Variants in MED13L observed in about 807,000 individuals in gnomAD.
MED13L encodes mediator of RNA polymerase II transcription subunit 13-like.
In MED13L, 7 loss-of-function variants were observed where a neutral mutation model predicts 220.9. The ratio of observed to expected loss-of-function variants is 0.03; its 90% confidence interval spans 0.02 to 0.06. The LOEUF (loss-of-function observed/expected upper bound fraction) is 0.06. Among genes scored for constraint, MED13L ranks in the 10% least tolerant of loss-of-function variants. MED13L has a pLI of 1.00. For synonymous variants in MED13L, 1,011 were observed against 1,015.2 expected (o/e 1.00, Z 0.08); for missense variants, 1,965 against 2,760.5 (o/e 0.71, Z 6.46).
Position 116,109,216 on chromosome 12 carries a change from G to A in MED13L, c.395+2212C>T, listed in dbSNP as rs1383748896. 3.3e-5 allele frequency among the ~76,000 whole-genome samples: 5 copies of A among 151,622 alleles called. No homozygotes were observed. The East Asian group carries it at 9.7e-4, about 29-fold the overall frequency. On this transcript the variant is annotated intron_variant, in intron 3 of 30. Transcript: ENST00000281928. ...CTCCCAAGCAGCTGTGACCACAGGA[G>A]CACACCATCATGCTCAGCTAACTTT...
chr12:116,165,571 C>T lies in MED13L; in HGVS notation c.311-54059G>A, dbSNP rs527359427. On this transcript the variant is annotated intron_variant, in intron 2 of 30. Coordinates refer to ENST00000281928, the MANE Select transcript of MED13L (RefSeq NM_015335.5). ...GTCTCTATCTCCTTACCTCGTGATC[C>T]CCCCCGCCTCAGCCTCCCAAAGTGC... Among the ~76,000 whole-genome samples the T allele has an allele frequency of 5.9e-5, 9 of 151,826 alleles. No individual in the cohort carries two copies. The South Asian group carries it at 1.7e-3, about 28-fold the overall frequency.
Position 115,970,755 on chromosome 12 carries a change from C to G in MED13L, c.5906G>C (p.Gly1969Ala). 2.5e-6 allele frequency: 4 copies of G among 1,613,886 alleles called. No individual in the cohort carries two copies. The highest frequency in any genetic ancestry group is 3.4e-6 in the Non-Finnish European group (4 of 1,179,894). ...TGCAGTACTTCGGCCAAAAACAGAG[C>G]CCATTGTGACAGCATCTTTAAAGAA... Reference protein sequence around the residue: ...FVVMPDAVTMGSVFGRSTALN... With the variant: ...FVVMPDAVTMASVFGRSTALN... The change falls in exon 27 of 31, where the codon GGC (glycine) becomes GCC (alanine). Residue 1969 changes from glycine to alanine, a missense_variant. Physicochemically the swap from Gly to Ala is moderately conservative, Grantham distance 60. Around this residue, in one of 10 missense-constraint regions of MED13L, gnomAD observed 145 missense variants for 328.3 expected, o/e 0.44. Coordinates refer to ENST00000281928, the MANE Select transcript of MED13L (RefSeq NM_015335.5).
At chr12:116,091,728 T>C (rs1188700375) in intron 4 of MED13L, among the ~76,000 whole-genome samples, 3 of 152,248 alleles carry the variant, frequency 2.0e-5, no homozygotes, top group African/African-American at 4.8e-5. Flanking sequence ...GCCAATGTTA[T>C]AGTCACCATG....
intron 22 of MED13L, 138 bp from the exon 23 acceptor site, chr12:115,981,076 A>G (rs926413075): frequency 7.2e-6 from 5 of 692,534 alleles, no homozygotes; most frequent in Middle Eastern, 3.9e-4. Flanking sequence ...GCCTTAAAAT[A>G]TATCTGTGCC....
intron 2 of MED13L, chr12:116,230,286 G>C (rs1195982249): frequency 1.3e-5 from 2 of 157,658 alleles, no homozygotes; most frequent in Non-Finnish European, 2.7e-5. Context: ...TATAGTCCTA[G>C]CTACTCGGGA....
intron 4 of MED13L, among the ~76,000 whole-genome samples, chr12:116,072,817 T>A (rs1270295614): frequency 1.3e-5 from 2 of 152,232 alleles, no homozygotes; most frequent in Non-Finnish European, 2.9e-5. Flanking sequence ...TGTAGTGCTT[T>A]ATGCAAATCA....
chr12:116,232,929 A>G (rs1869709452), intron 2 of MED13L, among the ~76,000 whole-genome samples: 1 of 152,024 alleles, frequency 6.6e-6, no homozygotes, highest in Non-Finnish European at 1.5e-5. Flanking sequence ...TCTACTAAAA[A>G]TACAAAAATT....
At chr12:116,082,046 C>T (rs538287509) in intron 4 of MED13L, among the ~76,000 whole-genome samples, 1 of 152,184 alleles carries the variant, frequency 6.6e-6, no homozygotes, top group South Asian at 2.1e-4. Context: ...CATTTTAGTA[C>T]TTCATTAAAT....
At chr12:116,181,322 T>G (rs1435824097) in intron 2 of MED13L, 1 of 152,100 alleles carries the variant, frequency 6.6e-6, no homozygotes, top group African/African-American at 2.4e-5. Flanking sequence ...AATCCAAGTT[T>G]TACAAAAGAA....
At chr12:116,213,922 A>C (rs994205846) in intron 2 of MED13L, among the ~76,000 whole-genome samples, 26 of 152,196 alleles carry the variant, frequency 1.7e-4, no homozygotes, top group African/African-American at 6.3e-4. Flanking sequence ...CCAGAATTTA[A>C]AGTTCGTACC....
At chr12:116,029,731 C>T (rs187633549) in intron 4 of MED13L, among the ~76,000 whole-genome samples, 318 of 152,194 alleles carry the variant, frequency 2.1e-3, no homozygotes, top group Non-Finnish European at 3.1e-3. Flanking sequence ...TGCAATACAG[C>T]TCAGAAATAT....
At chr12:116,229,447 C>G (rs932848195) in intron 2 of MED13L, among the ~76,000 whole-genome samples, 3 of 152,112 alleles carry the variant, frequency 2.0e-5, no homozygotes, top group African/African-American at 4.8e-5. Flanking sequence ...CTTTTTTTTA[C>G]CAATTCTTTA....
At chr12:116,045,057 T>C (rs914386545) in intron 4 of MED13L, among the ~76,000 whole-genome samples, 2 of 152,162 alleles carry the variant, frequency 1.3e-5, no homozygotes, top group African/African-American at 2.4e-5. Context: ...AGGAGTTAAA[T>C]GCAAGGAAAA....
chr12:116,008,654 G>C lies in MED13L; in HGVS notation c.1759C>G (p.Leu587Val). 1.9e-6 allele frequency: 3 copies of C among 1,614,070 alleles called. No individual in the cohort carries two copies. Among genetic ancestry groups the C allele is most frequent in the Non-Finnish European group, 2.5e-6 (3 of 1,179,996 alleles). Residue 587 changes from leucine to valine, a missense_variant, in exon 10 of 31, where the codon CTA becomes GTA. Physicochemically the swap from Leu to Val is conservative, Grantham distance 32. Transcript: ENST00000281928. Reference sequence around the variant, plus strand: ...AGAGTAGACAACTGCTGGAGTTCTAGTCCATTTCCATAAAGGGCTGGATTC... The same window carrying C: ...AGAGTAGACAACTGCTGGAGTTCTACTCCATTTCCATAAAGGGCTGGATTC... Reference protein sequence around the residue: ...PVNPALYGNGLELQQLSTLDD... With the variant: ...PVNPALYGNGVELQQLSTLDD...
At chr12:115,969,526 C>A (rs778139090) in intron 27 of MED13L, among the ~76,000 whole-genome samples, 70 of 152,052 alleles carry the variant, frequency 4.6e-4, no homozygotes, top group Non-Finnish European at 2.1e-4. Context: ...TGTGAACTTG[C>A]CCTGAAAATG....
At chr12:116,231,601 A>C (rs891624663) in intron 2 of MED13L, among the ~76,000 whole-genome samples, 5 of 152,204 alleles carry the variant, frequency 3.3e-5, no homozygotes, top group South Asian at 2.1e-4. Flanking sequence ...AAACTATAAA[A>C]GGTATTGCTA....
At chr12:115,984,586 T>C (rs1327781899) in intron 19 of MED13L, among the ~76,000 whole-genome samples, 2 of 152,102 alleles carry the variant, frequency 1.3e-5, no homozygotes, top group Non-Finnish European at 2.9e-5. Flanking sequence ...AAACTTGGAC[T>C]AGGCTCTCTA....
At chr12:116,197,250 C>T (rs751890354) in intron 2 of MED13L, among the ~76,000 whole-genome samples, 14 of 152,166 alleles carry the variant, frequency 9.2e-5, no homozygotes, top group Non-Finnish European at 1.6e-4. Context: ...CTAACTAGCA[C>T]GGTTCAGTCA....
intron 29 of MED13L, among the ~76,000 whole-genome samples, chr12:115,964,411 C>T (rs1223000647): frequency 6.6e-6 from 1 of 152,196 alleles, no homozygotes; most frequent in East Asian, 1.9e-4. Flanking sequence ...TGATTCATCA[C>T]TGGGTTCAGG....
Sources: gnomAD v4.1 joint callset for allele counts (sites outside exome capture counted in the v4.1 genomes callset) on GRCh38, gnomAD v4.1.1 for gene constraint, gnomAD v4.1.1 regional missense constraint, MANE v1.5 for transcripts, NCBI Gene and HGNC (gene_info 2026-07-23, HGNC 2026-07-21) for gene names.